Variants in FBN2 observed in about 807,000 individuals in gnomAD.
FBN2 encodes fibrillin 2.
FBN2 carries 105 observed loss-of-function variants against 355.6 expected under a neutral mutation model. The observed-to-expected ratio is 0.30, with a 90% CI of 0.25 to 0.35. The LOEUF (loss-of-function observed/expected upper bound fraction) is 0.35. FBN2 is among the 10% of genes least tolerant of loss of function. FBN2 has a pLI of 1.00. For synonymous variants in FBN2, 1,350 were observed against 1,301.2 expected (o/e 1.04, Z -0.81); for missense variants, 3,280 against 3,758.7 (o/e 0.87, Z 3.33).
rs35768962 is a variant in FBN2 at position 128,444,054 on chromosome 5, C to CTTT, written c.952+2424_952+2426dup. 9.5e-3 allele frequency among the ~76,000 whole-genome samples: 623 copies of CTTT among 65,592 alleles called. 161 individuals are homozygous for CTTT. Among genetic ancestry groups the CTTT allele is most frequent in the African/African-American group, 0.034 (542 of 16,172 alleles). 43.0% of individuals were successfully genotyped at this position (65,592 alleles called of 152,430 possible). ...TTTATATAAGCAAATATCACTTGTT[C>CTTT]TTTTTTTTTTTTTTTTTTTTTTTTT... On this transcript the variant is annotated intron_variant, in intron 7 of 64. Transcript: ENST00000262464.
intron 7 of FBN2, among the ~76,000 whole-genome samples, chr5:128,422,989 C>G (rs1196797326): frequency 1.3e-5 from 2 of 152,128 alleles, no homozygotes; most frequent in Non-Finnish European, 2.9e-5. Context: ...GTGAGCTAAG[C>G]TGAAACTAGT....
chr5:128,278,577 T>A (rs2126809379), intron 57 of FBN2, 58 bp downstream of exon 57: 1 of 1,498,302 alleles, frequency 6.7e-7, no homozygotes, highest in South Asian at 1.1e-5. Context: ...TTCACATTTA[T>A]CTGAATTCAT....
chr5:128,503,247 T>C (rs1044684672), intron 5 of FBN2, among the ~76,000 whole-genome samples: 8 of 152,200 alleles, frequency 5.3e-5, no homozygotes, highest in South Asian at 2.1e-4. Context: ...CATGTGGAAA[T>C]GTGAGTCAAC....
chr5:128,484,731 G>C (rs988403493), intron 5 of FBN2, among the ~76,000 whole-genome samples: 8 of 152,192 alleles, frequency 5.3e-5, no homozygotes, highest in Non-Finnish European at 1.0e-4. Context: ...TCTGTTCACA[G>C]TGGAGGAAAG....
chr5:128,404,089 T>G (rs1179440514), intron 8 of FBN2, among the ~76,000 whole-genome samples: 1 of 152,224 alleles, frequency 6.6e-6, no homozygotes, highest in Non-Finnish European at 1.5e-5. Flanking sequence ...TAAAAAGAGC[T>G]TTAAGTTCAT....
At chr5:128,478,240 G>T (rs1755057329) in intron 5 of FBN2, among the ~76,000 whole-genome samples, 1 of 152,180 alleles carries the variant, frequency 6.6e-6, no homozygotes, top group African/African-American at 2.4e-5. Flanking sequence ...AAGTGTCTAA[G>T]AAGCCAGACA....
At chr5:128,356,298 A>G (rs1349577998) in intron 20 of FBN2, among the ~76,000 whole-genome samples, 1 of 152,216 alleles carries the variant, frequency 6.6e-6, no homozygotes, top group East Asian at 1.9e-4. Flanking sequence ...GTTTTCATTG[A>G]TAATTTTGGA....
At chr5:128,529,077 A>AT (rs761032995) in intron 3 of FBN2, among the ~76,000 whole-genome samples, 31 of 152,348 alleles carry the variant, frequency 2.0e-4, no homozygotes, top group Admixed American at 7.8e-4. Flanking sequence ...TCAGCAATAA[A>AT]TTCAGTTTCC....
chr5:128,297,688 G>A (rs1399438481), intron 48 of FBN2, among the ~76,000 whole-genome samples: 3 of 152,048 alleles, frequency 2.0e-5, no homozygotes, highest in South Asian at 2.1e-4. Flanking sequence ...CCATTTGCTC[G>A]GTAGATCTTC....
chr5:128,295,483 C>G (rs1273277021), intron 48 of FBN2, among the ~76,000 whole-genome samples: 1 of 149,868 alleles, frequency 6.7e-6, no homozygotes, highest in Non-Finnish European at 1.5e-5. Flanking sequence ...GAATGTTCTT[C>G]CACTTGTTTG....
intron 7 of FBN2, among the ~76,000 whole-genome samples, chr5:128,436,706 C>T (rs1166102624): frequency 1.3e-5 from 2 of 151,496 alleles, no homozygotes; most frequent in Admixed American, 6.6e-5. Flanking sequence ...GAAATATTTG[C>T]GGTATCTTCG....
intron 61 of FBN2, 152 bp downstream of exon 61, chr5:128,273,688 A>G (rs1765318056): frequency 1.3e-6 from 1 of 777,860 alleles, no homozygotes; most frequent in Non-Finnish European, 2.1e-6. Context: ...AAAGTGATAC[A>G]TAGAAATTTA....
chr5:128,446,891 A>T (rs1183556078), intron 6 of FBN2, among the ~76,000 whole-genome samples: 1 of 152,224 alleles, frequency 6.6e-6, no homozygotes, highest in Non-Finnish European at 1.5e-5. Context: ...GGACCGGCTG[A>T]AGCCATGGCA....
At position 128,330,584 on chromosome 5, in the gene FBN2, A is replaced by G. The variant is rs758196400; in HGVS notation, c.4334T>C (p.Phe1445Ser). 4.3e-6 allele frequency: 7 copies of G among 1,614,134 alleles called. No individual in the cohort carries two copies. Among genetic ancestry groups the G allele is most frequent in the Non-Finnish European group, 5.9e-6 (7 of 1,179,988 alleles). Residue 1445 changes from phenylalanine (F) to serine (S), a missense_variant, in exon 33 of 65, where the codon TTT (phenylalanine) becomes TCT (serine). This residue lies in a region of FBN2 where 2,284 missense variants were observed against 2,749.5 expected (regional missense o/e 0.83). Transcript: ENST00000262464. ...ACSEGFTGDG[F>S]TCSDVDECAE... ...GGACTGTCACCCACCTGAGCAGGTAAAGCCATCACCAGTGAAACCTTCGGA... is the reference window on the plus strand; with the variant it reads ...GGACTGTCACCCACCTGAGCAGGTAGAGCCATCACCAGTGAAACCTTCGGA...
chr5:128,328,175 G>T, intron 34 of FBN2: 1 of 183,184 alleles, frequency 5.5e-6, no homozygotes, highest in Non-Finnish European at 1.2e-5. Context: ...TTCTAGGAAA[G>T]GTGGATGATG....
intron 5 of FBN2, among the ~76,000 whole-genome samples, chr5:128,486,555 C>T (rs1331748147): frequency 1.3e-5 from 2 of 152,116 alleles, no homozygotes; most frequent in Admixed American, 1.3e-4. Flanking sequence ...TCTTTCCTAC[C>T]TCAGAACCTT....
intron 49 of FBN2, 134 bp downstream of exon 49, chr5:128,291,395 T>C (rs1463977792): frequency 1.0e-5 from 10 of 999,406 alleles, no homozygotes; most frequent in East Asian, 7.3e-5. Context: ...GTTTGAGACC[T>C]AAATTTTTAA....
chr5:128,358,977 T>C (rs1337014142), intron 19 of FBN2, among the ~76,000 whole-genome samples: 1 of 152,068 alleles, frequency 6.6e-6, no homozygotes, highest in Admixed American at 6.6e-5. Context: ...GAACCAGGAA[T>C]TGAAACAGTT....
intron 42 of FBN2, among the ~76,000 whole-genome samples, chr5:128,306,923 C>T: frequency 6.6e-6 from 1 of 152,164 alleles, no homozygotes; most frequent in East Asian, 1.9e-4. Flanking sequence ...ACATAACTAC[C>T]ATAACCCAAT....
Sources: allele counts gnomAD v4.1 joint callset (sites outside exome capture counted in the v4.1 genomes callset), GRCh38; gene constraint gnomAD v4.1.1; regional missense constraint gnomAD v4.1.1; transcripts MANE v1.5; gene names NCBI Gene and HGNC (gene_info 2026-07-23, HGNC 2026-07-21).